Variants in SEMA3C observed in about 807,000 individuals in gnomAD.
The protein encoded by SEMA3C is semaphorin-3C.
Under a neutral mutation model 89.4 loss-of-function variants are expected in SEMA3C, and 47 were observed. That is an observed-to-expected ratio of 0.53 (90% confidence interval 0.42 to 0.67). The LOEUF is 0.67. SEMA3C is among the 30% of genes least tolerant of loss of function. The pLI, the probability that SEMA3C is intolerant of heterozygous loss-of-function variation, is 0.00. For synonymous variants in SEMA3C, 310 were observed against 320.2 expected, an observed-to-expected ratio of 0.97 and a Z score of 0.34; for missense variants, 839 against 929.1, an observed-to-expected ratio of 0.90 and a Z score of 1.26.
intron 2 of SEMA3C, among the ~76,000 whole-genome samples, chr7:80,911,780 GCCA>G (rs1792156711): frequency 6.6e-6 from 1 of 151,782 alleles, no homozygotes; most frequent in Non-Finnish European, 1.5e-5. Flanking sequence ...ACTACAGGTG[GCCA>G]CCACCATGCC....
rs117014829 is a variant in SEMA3C at position 80,916,085 on chromosome 7, T to C, written c.103+594A>G. 1.7e-4 allele frequency among the ~76,000 whole-genome samples: 26 copies of C among 152,306 alleles called. No homozygotes were observed. The East Asian group carries it at 5.0e-3, about 29-fold the overall frequency. On this transcript the variant is annotated intron_variant, in intron 2 of 17. Coordinates refer to ENST00000265361, the MANE Select transcript of SEMA3C (RefSeq NM_006379.5). The stretch of plus-strand genomic sequence containing the variant: ...ATGTGAAAATCTGAAATCACACCCA[T>C]TTCCCTAAGCTTCTGAGAACATTTG...
At chr7:80,815,853 TG>T (rs1789595546) in intron 5 of SEMA3C, 1 of 152,118 alleles carries the variant, frequency 6.6e-6, no homozygotes, top group Non-Finnish European at 1.5e-5. Flanking sequence ...AATTGGTATC[TG>T]GGTGTTGAAA....
intron 14 of SEMA3C, among the ~76,000 whole-genome samples, chr7:80,760,011 G>A (rs749936208): frequency 2.8e-4 from 43 of 152,046 alleles, no homozygotes; most frequent in Admixed American, 5.2e-4. Context: ...CTGTTACATG[G>A]AGTAAAAGAA....
intron 12 of SEMA3C, among the ~76,000 whole-genome samples, chr7:80,786,096 C>A (rs568297523): frequency 6.6e-6 from 1 of 152,336 alleles, no homozygotes; most frequent in Non-Finnish European, 1.5e-5. Flanking sequence ...GGATGGGATC[C>A]TCAAGAGACT....
At chr7:80,892,772 T>C (rs866154783) in intron 2 of SEMA3C, among the ~76,000 whole-genome samples, 7 of 152,316 alleles carry the variant, frequency 4.6e-5, no homozygotes, top group African/African-American at 1.7e-4. Flanking sequence ...AAATTCCCAC[T>C]TTGAACAAAA....
chr7:80,784,254 T>C (rs1197702145), intron 12 of SEMA3C, among the ~76,000 whole-genome samples: 1 of 150,088 alleles, frequency 6.7e-6, no homozygotes, highest in Non-Finnish European at 1.5e-5. Context: ...TGCTGTTTTA[T>C]AGCCCTTCCT....
In SEMA3C at chr7:80,841,633, C is replaced by T. The variant is rs578111480; in HGVS notation, c.104-12888G>A. Among the ~76,000 whole-genome samples, 7 of 152,238 alleles carry T rather than the reference C, an allele frequency of 4.6e-5. No individual in the cohort carries two copies. The South Asian group carries it at 1.2e-3, about 27-fold the overall frequency. On this transcript the variant is annotated intron_variant, in intron 2 of 17. Transcript: ENST00000265361. ...TTCCTTCAGAATGATGGAGGACCACCCACAGCTTTCAGTAAGACAAACTAT... is the reference window on the plus strand; with the variant it reads ...TTCCTTCAGAATGATGGAGGACCACTCACAGCTTTCAGTAAGACAAACTAT...
chr7:80,810,244 TAATG>T lies in SEMA3C; in HGVS notation c.538+363_538+366del, dbSNP rs1055074045. Among the ~76,000 whole-genome samples the T allele has an allele frequency of 1.4e-4, 21 of 151,844 alleles. No homozygotes were observed. The East Asian group carries it at 3.9e-3, about 28-fold the overall frequency. ...TTGTCAACTAAAAACAAATAAAAAA[TAATG>T]AAAGGTAAAGAAAAAAATACTAAAA... On this transcript the variant is annotated intron_variant, in intron 6 of 17. Coordinates refer to ENST00000265361, the MANE Select transcript of SEMA3C (RefSeq NM_006379.5).
chr7:80,800,730 C>T (rs370805577), intron 10 of SEMA3C, 27 bp downstream of exon 10: 88 of 1,370,130 alleles, frequency 6.4e-5, no homozygotes, highest in South Asian at 9.0e-5. Context: ...TTGTTTAACT[C>T]ATAAAATGTA....
intron 2 of SEMA3C, among the ~76,000 whole-genome samples, chr7:80,852,733 C>A (rs371289013): frequency 1.4e-5 from 2 of 146,318 alleles, no homozygotes. Flanking sequence ...GGCTAGAGTG[C>A]AGTGGCGCAA....
chr7:80,768,921 T>C (rs1788366246), intron 12 of SEMA3C, among the ~76,000 whole-genome samples: 1 of 152,214 alleles, frequency 6.6e-6, no homozygotes, highest in Non-Finnish European at 1.5e-5. Context: ...ATCTTTGTTA[T>C]ATGAGCATGT....
At chr7:80,822,382 A>AAAAAATAAATAAAT (rs199505293) in intron 4 of SEMA3C, among the ~76,000 whole-genome samples, 3 of 149,722 alleles carry the variant, frequency 2.0e-5, no homozygotes, top group Admixed American at 1.4e-4. Context: ...TTTCAGCAAA[A>AAAAAATAAATAAAT]AAAAATAAAT....
chr7:80,878,548 G>GC, intron 2 of SEMA3C, among the ~76,000 whole-genome samples: 1 of 152,254 alleles, frequency 6.6e-6, no homozygotes, highest in East Asian at 1.9e-4. Flanking sequence ...TGGGATACAG[G>GC]ACTGTCATTT....
intron 2 of SEMA3C, among the ~76,000 whole-genome samples, chr7:80,909,866 G>C (rs1249163587): frequency 6.6e-6 from 1 of 152,102 alleles, no homozygotes; most frequent in African/African-American, 2.4e-5. Context: ...GAATTGAGAG[G>C]CACTTAAAAT....
chr7:80,747,331 G>C (rs1449479018), intron 17 of SEMA3C, among the ~76,000 whole-genome samples: 1 of 152,010 alleles, frequency 6.6e-6, no homozygotes, highest in Non-Finnish European at 1.5e-5. Context: ...TTATATGGCA[G>C]ATATTCAAAC....
chr7:80,829,365 A>T (rs533490942), intron 2 of SEMA3C, among the ~76,000 whole-genome samples: 1 of 152,174 alleles, frequency 6.6e-6, no homozygotes, highest in African/African-American at 2.4e-5. Flanking sequence ...CAAAAAAAAT[A>T]CAGTGAGCAG....
chr7:80,745,450 G>T, intron 17 of SEMA3C, 143 bp from the exon 18 acceptor site: 1 of 770,596 alleles, frequency 1.3e-6, no homozygotes, highest in Non-Finnish European at 2.0e-6. Flanking sequence ...CAGTGGACAT[G>T]AAATTTTGGT....
At chr7:80,921,685 A>G (rs921691331), upstream of SEMA3C, among the ~76,000 whole-genome samples, 15 of 152,238 alleles carry the variant, frequency 9.9e-5, no homozygotes, top group African/African-American at 3.6e-4. Context: ...TGCACCCAGC[A>G]AAACGTTTCA....
At chr7:80,762,646 C>T (rs1788211540) in intron 13 of SEMA3C, among the ~76,000 whole-genome samples, 1 of 152,042 alleles carries the variant, frequency 6.6e-6, no homozygotes, top group Admixed American at 6.6e-5. Flanking sequence ...ATAGTGAAAC[C>T]CTGTCTCTAC....
Sources: allele counts gnomAD v4.1 joint callset (sites outside exome capture counted in the v4.1 genomes callset), GRCh38; gene constraint gnomAD v4.1.1; transcripts MANE v1.5; gene names NCBI Gene and HGNC (gene_info 2026-07-23, HGNC 2026-07-21).